The following DNAH10 variants were observed in gnomAD, a reference collection of about 807,000 sequenced individuals.
DNAH10 encodes axonemal beta dynein heavy chain 10.
A neutral mutation model predicts 506.6 loss-of-function variants in DNAH10; 348 were observed. That is an observed-to-expected ratio of 0.69 (90% CI 0.63 to 0.75). The LOEUF (loss-of-function observed/expected upper bound fraction) is 0.75. Among genes scored for constraint, DNAH10 ranks in the 30% least tolerant of loss-of-function variants. The pLI, the probability that DNAH10 is intolerant of heterozygous loss-of-function variation, is 0.00. For synonymous variants in DNAH10, 2,059 were observed against 2,198.6 expected (o/e 0.94, Z 1.78); for missense variants, 5,179 against 5,787.1 (o/e 0.89, Z 3.41).
At chr12:123,765,488 ATCAG>A (rs1385821166) in intron 1 of DNAH10, among the ~76,000 whole-genome samples, 1 of 152,164 alleles carries the variant, frequency 6.6e-6, no homozygotes, top group African/African-American at 2.4e-5. Context: ...TTGTCAAATT[ATCAG>A]TCAATCAATC....
chr12:123,848,100 G>A lies in DNAH10; in HGVS notation c.5949+5G>A, dbSNP rs748057764. The A allele has an allele frequency of 3.1e-6, 5 of 1,611,602 alleles. No individual in the cohort carries two copies. The African/African-American group carries it at 5.3e-5, about 17-fold the overall frequency. ...GGCGAAGGCATGGATTACAGGGTAA[G>A]GCCTGGCTGTCACCTTTGGTACTGG... On this transcript the variant is annotated splice_donor_5th_base_variant and intron_variant, in intron 33 of 78. Transcript: ENST00000673944.
At chr12:123,826,920 C>T in intron 25 of DNAH10, 22 bp downstream of exon 25, 1 of 1,593,314 alleles carries the variant, frequency 6.3e-7, no homozygotes, top group Non-Finnish European at 8.6e-7. Flanking sequence ...CCTCTGTCCG[C>T]AGATGTAAAA....
rs1951735060 is a variant in DNAH10 at position 123,864,660 on chromosome 12, A to G, written c.6974A>G (p.Asp2325Gly). The G allele has an allele frequency of 6.2e-7, 1 of 1,613,998 alleles. No homozygotes were observed. Among genetic ancestry groups the G allele is most frequent in the Non-Finnish European group, 8.5e-7 (1 of 1,179,882 alleles). The change falls in exon 40 of 79, where the codon GAC becomes GGC. Residue 2325 changes from aspartate to glycine, a missense_variant. Transcript: ENST00000673944. ...WVENMNSVMD[D>G]NRLLTLANGE... is the part of the protein sequence containing the mutation. ...GAAAACATGAATTCTGTGATGGATG[A>G]CAACAGGTTGTTGACATTGGCCAAC...
intron 27 of DNAH10, 138 bp from the exon 28 acceptor site, chr12:123,835,268 C>A: frequency 1.1e-6 from 1 of 904,982 alleles, no homozygotes; most frequent in Non-Finnish European, 1.6e-6. Flanking sequence ...CATGCAGATG[C>A]TCACTCTGTC....
chr12:123,845,828 T>G lies in DNAH10; in HGVS notation c.5589T>G (p.Asp1863Glu). The change falls in exon 31 of 79, where the codon GAT (aspartate) becomes GAG (glutamate). Residue 1863 changes from aspartate to glutamate, a missense_variant. Around this residue, in one of 3 missense-constraint regions of DNAH10, gnomAD observed 4,844 missense variants for 5,430.5 expected, o/e 0.89. Coordinates refer to ENST00000673944, the MANE Select transcript of DNAH10 (RefSeq NM_001372106.1). ...RKKYNTVLII[D>E]VHARDIVDSF... is the part of the protein sequence containing the mutation. ...AATACAACACTGTTCTCATCATTGATGTGCATGCCAGAGACATAGTTGATT... is the reference window on the plus strand; with the variant it reads ...AATACAACACTGTTCTCATCATTGAGGTGCATGCCAGAGACATAGTTGATT... 6.2e-7 allele frequency: 1 copy of G among 1,614,028 alleles called. No individual in the cohort carries two copies. Among genetic ancestry groups the G allele is most frequent in the Non-Finnish European group, 8.5e-7 (1 of 1,179,892 alleles).
At chr12:123,795,198 A>G (rs1052995332) in intron 12 of DNAH10, among the ~76,000 whole-genome samples, 1 of 152,096 alleles carries the variant, frequency 6.6e-6, no homozygotes, top group African/African-American at 2.4e-5. Context: ...CTTATGTAGA[A>G]GACAAAATGA....
chr12:123,853,016 A>G lies in DNAH10; in HGVS notation c.6292-190A>G, dbSNP rs1203143580. Among the ~76,000 whole-genome samples, 1 of 152,124 alleles carries G rather than the reference A, an allele frequency of 6.6e-6. No individual in the cohort carries two copies. Among genetic ancestry groups the G allele is most frequent in the African/African-American group, 2.4e-5 (1 of 41,414 alleles). The stretch of plus-strand genomic sequence containing the variant: ...AGATGTTTCTTCAAATTAGTTCCCA[A>G]TTTGCCATATTTAAAAATGAAGGAC... On this transcript the variant is annotated intron_variant, in intron 35 of 78. Transcript: ENST00000673944. This position sits in a 1 kb window ranked among gnomAD's most constrained non-coding sequence, Gnocchi z 4.7.
chr12:123,808,438 T>C (rs917077572), intron 18 of DNAH10, among the ~76,000 whole-genome samples: 30 of 152,160 alleles, frequency 2.0e-4, no homozygotes, highest in African/African-American at 7.2e-4. Flanking sequence ...GTTCCATCCC[T>C]GGGTGTCACA....
rs1348986936 is a variant in DNAH10, at chr12:123,870,461, G to A, written c.7615G>A (p.Glu2539Lys). 7 of 1,613,578 alleles carry A rather than the reference G, an allele frequency of 4.3e-6. No homozygotes were observed. The highest frequency in any genetic ancestry group is 1.7e-5 in the Admixed American group (1 of 60,004). ...KLVPEYIHAP[E>K]RKFINILVHT... ...AGTTCCAGAGTATATTCATGCCCCC[G>A]AGAGGAAATTCATCAACATCCTGGG... The change falls in exon 44 of 79, where the codon GAG becomes AAG. Residue 2539 changes from glutamate to lysine, a missense_variant. Coordinates refer to ENST00000673944, the MANE Select transcript of DNAH10 (RefSeq NM_001372106.1).
At chr12:123,784,257 C>T (rs1957770687) in intron 8 of DNAH10, 80 bp downstream of exon 8, 1 of 1,441,034 alleles carries the variant, frequency 6.9e-7, no homozygotes, top group African/African-American at 1.4e-5. Context: ...TAAAAATGTT[C>T]AGCATTTGGC....
chr12:123,853,942 A>G lies in DNAH10; in HGVS notation c.6438+590A>G, dbSNP rs7301708. 3.3e-5 allele frequency among the ~76,000 whole-genome samples: 5 copies of G among 151,138 alleles called. No homozygotes were observed. Among genetic ancestry groups the G allele is most frequent in the African/African-American group, 4.9e-5 (2 of 41,010 alleles). ...CGCACACGCACGCACACGCACACGC[A>G]CACACACACACATTTGGGTAGTAAA... is the stretch of plus-strand genomic sequence containing the variant. On this transcript the variant is annotated intron_variant, in intron 36 of 78. Transcript: ENST00000673944. The surrounding 1 kb of genome is among the most constrained non-coding windows in gnomAD (Gnocchi z 4.7).
intron 23 of DNAH10, 56 bp downstream of exon 23, chr12:123,819,306 TG>T: frequency 7.3e-7 from 1 of 1,371,906 alleles, no homozygotes; most frequent in Non-Finnish European, 1.0e-6. Flanking sequence ...TGTTTGAGTA[TG>T]TTTTGCTTAA....
Position 123,870,370 on chromosome 12 carries a change from A to C in DNAH10, c.7524A>C (p.Gln2508His), listed in dbSNP as rs189155927. The C allele has an allele frequency of 1.3e-5, 21 of 1,613,208 alleles. No homozygotes were observed. Among genetic ancestry groups the C allele is most frequent in the Middle Eastern group, 3.3e-4 (2 of 6,080 alleles). ...VWANPGELPG[Q>H]LPTLYDFHFD... ...ATCAACCATGATTTCCTGCAGGTCA[A>C]CTTCCAACCTTGTATGACTTTCATT... Residue 2508 changes from glutamine (Q) to histidine (H), a missense_variant, in exon 44 of 79, where the codon CAA (glutamine) becomes CAC (histidine). Gln to His is a conservative substitution (Grantham distance 24, BLOSUM62 0). Coordinates refer to ENST00000673944, the MANE Select transcript of DNAH10 (RefSeq NM_001372106.1).
intron 77 of DNAH10, among the ~76,000 whole-genome samples, chr12:123,933,774 T>C (rs1157515160): frequency 6.6e-6 from 1 of 152,220 alleles, no homozygotes; most frequent in Non-Finnish European, 1.5e-5. Context: ...TTCACTCTGC[T>C]AGCTCATGGC....
At position 123,926,782 on chromosome 12, in the gene DNAH10, C is replaced by T. The variant is rs201298795; in HGVS notation, c.12067C>T (p.Arg4023Cys). ...AGAGCGAAGTGGTTTTGGAGGAAATCGCCTCAAATTCCTTGCAATGGGTCA... is the reference window on the plus strand; with the variant it reads ...AGAGCGAAGTGGTTTTGGAGGAAATTGCCTCAAATTCCTTGCAATGGGTCA... ...LAERSGFGGN[R>C]LKFLAMGQGQ... The change falls in exon 69 of 79, where the codon CGC becomes TGC. Residue 4023 changes from arginine (R) to cysteine (C), a missense_variant. Physicochemically the swap from Arg to Cys is radical, Grantham distance 180. Around this residue, in one of 3 missense-constraint regions of DNAH10, gnomAD observed 4,844 missense variants for 5,430.5 expected, o/e 0.89. Coordinates refer to ENST00000673944, the MANE Select transcript of DNAH10 (RefSeq NM_001372106.1). This position sits in a 1 kb window ranked among gnomAD's most constrained non-coding sequence, Gnocchi z 4.1. 255 of 1,613,930 alleles carry T rather than the reference C, an allele frequency of 1.6e-4. 1 individual carries two copies. The highest frequency in any genetic ancestry group is 6.1e-4 in the African/African-American group (46 of 75,018).
intron 59 of DNAH10, among the ~76,000 whole-genome samples, chr12:123,912,751 G>A (rs1366071305): frequency 6.6e-6 from 1 of 152,202 alleles, no homozygotes; most frequent in Non-Finnish European, 1.5e-5. Context: ...GCTCGGAATT[G>A]TATTATTCAG....
chr12:123,803,548 A>T (rs1958548985), intron 16 of DNAH10, 113 bp from the exon 17 acceptor site: 1 of 1,077,754 alleles, frequency 9.3e-7, no homozygotes, highest in African/African-American at 1.7e-5. Context: ...GGTTGGAATG[A>T]GCAGGGTCTT....
At chr12:123,803,920 A>G (rs1958564143) in intron 17 of DNAH10, 95 bp downstream of exon 17, 17 of 1,169,826 alleles carry the variant, frequency 1.5e-5, no homozygotes, top group Non-Finnish European at 1.8e-5. Context: ...AAATATACAT[A>G]TGTATTTGTA....
intron 10 of DNAH10, among the ~76,000 whole-genome samples, chr12:123,788,354 C>T (rs111339845): frequency 0.062 from 9,467 of 152,254 alleles, 328 homozygotes; most frequent in Middle Eastern, 0.068. Context: ...CCTCTCTTCA[C>T]TCTCCCTCAG....
Sources: gnomAD v4.1 joint callset for allele counts (sites outside exome capture counted in the v4.1 genomes callset) on GRCh38, gnomAD v4.1.1 for gene constraint, gnomAD v4.1.1 regional missense constraint, Gnocchi (gnomAD v3.1) non-coding constraint, MANE v1.5 for transcripts, NCBI Gene and HGNC (gene_info 2026-07-23, HGNC 2026-07-21) for gene names.